FBXL14: variants seen among roughly 807,000 people sequenced by gnomAD.
The protein encoded by FBXL14 is F-box/LRR-repeat protein 14.
FBXL14 carries 11 observed loss-of-function variants against 24.5 expected under a neutral mutation model. The ratio of observed to expected loss-of-function variants is 0.45; its 90% CI spans 0.28 to 0.74. FBXL14 has a LOEUF of 0.74. Among genes scored for constraint, FBXL14 ranks in the 30% least tolerant of loss-of-function variants. The pLI is 0.12. For missense variants in FBXL14, 384 were observed against 545.6 expected (o/e 0.70, Z 2.95); for synonymous variants, 294 against 240.4 (o/e 1.22, Z -2.06).
rs565317669 is a variant in FBXL14, at chr12:1,566,956, C to G, written c.1195-146G>C. 1.4e-3 allele frequency: 858 copies of G among 609,170 alleles called. 16 individuals carry two copies. The South Asian group carries it at 0.015, about 11-fold the overall frequency. The allele number at this position is 609,170 out of a possible 1,614,324, so 37.7% of individuals were successfully genotyped here. A position where few individuals can be genotyped will look rare whatever the true frequency, so the allele number is the denominator to read the frequency against. ...AGGGAAACTCCCACGCCAGCCCACT[C>G]TAGCCATCTCCCGGCTCACTTAAGG... is the stretch of plus-strand genomic sequence containing the variant. On this transcript the variant is annotated intron_variant, in intron 1 of 1. Transcript: ENST00000339235.
In FBXL14 at chr12:1,566,634, C is replaced by A. The variant is rs1048728608; in HGVS notation, c.*114G>T. 5.5e-6 allele frequency: 4 copies of A among 730,312 alleles called. No individual in the cohort carries two copies. Among genetic ancestry groups the A allele is most frequent in the Non-Finnish European group, 7.7e-6 (3 of 392,034 alleles). The allele number at this position is 730,312 out of a possible 1,614,324, so 45.2% of individuals were successfully genotyped here. A position where few individuals can be genotyped will look rare whatever the true frequency, so the allele number is the denominator to read the frequency against. Reference sequence around the variant, plus strand: ...GAAGCCCTGGGCAGCAGCCTCTGCCCGAGCAGTGACAGGCAGGGAAACCTG... The same window carrying A: ...GAAGCCCTGGGCAGCAGCCTCTGCCAGAGCAGTGACAGGCAGGGAAACCTG... On this transcript the variant is annotated 3_prime_UTR_variant, in exon 2 of 2. Coordinates refer to ENST00000339235, the MANE Select transcript of FBXL14 (RefSeq NM_152441.3).
chr12:1,593,906 A>G lies in FBXL14; in HGVS notation c.161T>C (p.Leu54Pro). ...VWRGVEAKLH[L>P]RRANPSLFPS... Reference sequence around the variant, plus strand: ...GAACAGCGACGGGTTGGCCCGGCGCAGGTGCAGCTTGGCCTCCACCCCCCG... The same window carrying G: ...GAACAGCGACGGGTTGGCCCGGCGCGGGTGCAGCTTGGCCTCCACCCCCCG... The change falls in exon 1 of 2, where the codon CTG (leucine) becomes CCG (proline). Residue 54 changes from leucine (L) to proline (P), a missense_variant. Coordinates refer to ENST00000339235, the MANE Select transcript of FBXL14 (RefSeq NM_152441.3). This position sits in a 1 kb window ranked among gnomAD's most constrained non-coding sequence, Gnocchi z 7.4. 1 of 1,597,584 alleles carries G rather than the reference A, an allele frequency of 6.3e-7. No homozygotes were observed. The highest frequency in any genetic ancestry group is 8.5e-7 in the Non-Finnish European group (1 of 1,177,002).
Position 1,566,786 on chromosome 12 carries a change from A to G in FBXL14, c.1219T>C (p.Leu407=). The G allele has an allele frequency of 1.3e-6, 1 of 781,040 alleles. No homozygotes were observed. Among genetic ancestry groups the G allele is most frequent in the South Asian group, 1.3e-5 (1 of 74,604 alleles). The allele number at this position is 781,040 out of a possible 1,614,324, so 48.4% of individuals were successfully genotyped here. A position where few individuals can be genotyped will look rare whatever the true frequency, so the allele number is the denominator to read the frequency against. Residue 407 remains leucine (L), a synonymous_variant, in exon 2 of 2, where the codon TTA becomes CTA. Transcript: ENST00000339235. ...EKEARGDFSP[L]FTVRTRGSSR... Reference sequence around the variant, plus strand: ...CTTCCCCGAGTTCTCACAGTGAATAATGGAGAAAAATCCCCTCGTGCCTCC... The same window carrying G: ...CTTCCCCGAGTTCTCACAGTGAATAGTGGAGAAAAATCCCCTCGTGCCTCC...
chr12:1,583,648 A>T (rs2094471196), intron 1 of FBXL14, among the ~76,000 whole-genome samples: 1 of 152,224 alleles, frequency 6.6e-6, no homozygotes, highest in South Asian at 2.1e-4. Flanking sequence ...CTTCCAACTC[A>T]CAGACAATGC....
intron 1 of FBXL14, among the ~76,000 whole-genome samples, chr12:1,590,009 G>T (rs1326897050): frequency 6.6e-6 from 1 of 152,188 alleles, no homozygotes; most frequent in Non-Finnish European, 1.5e-5. Context: ...AATTGAATCT[G>T]TACAGCCATG....
Position 1,593,856 on chromosome 12 carries a change from G to C in FBXL14, c.211C>G (p.Arg71Gly). ...LFPSLQARGIRRVQILSLRRS... is the reference protein window; with the variant it reads ...LFPSLQARGIGRVQILSLRRS... ...CGGAGGCTCAGGATCTGCACCCGGC[G>C]GATGCCCCGGGCCTGCAGGCTGGGG... Residue 71 changes from arginine (R) to glycine (G), a missense_variant, in exon 1 of 2, where the codon CGC becomes GGC. Physicochemically the swap from Arg to Gly is moderately radical, Grantham distance 125. Coordinates refer to ENST00000339235, the MANE Select transcript of FBXL14 (RefSeq NM_152441.3). The surrounding 1 kb of genome is among the most constrained non-coding windows in gnomAD (Gnocchi z 7.4). 2 of 1,613,306 alleles carry C rather than the reference G, an allele frequency of 1.2e-6. No individual in the cohort carries two copies. The highest frequency in any genetic ancestry group is 2.2e-5 in the South Asian group (2 of 91,066).
rs1393179981 is a variant in FBXL14, at chr12:1,589,221, C to CTACAAAAAAAA, written c.1194+3641_1194+3651dup. 1.4e-4 allele frequency among the ~76,000 whole-genome samples: 11 copies of CTACAAAAAAAA among 80,730 alleles called. No homozygotes were observed. The East Asian group carries it at 2.3e-3, about 17-fold the overall frequency. 53.0% of individuals were successfully genotyped at this position (80,730 alleles called of 152,430 possible). A position where few individuals can be genotyped will look rare whatever the true frequency, so the allele number is the denominator to read the frequency against. On this transcript the variant is annotated intron_variant, in intron 1 of 1. Coordinates refer to ENST00000339235, the MANE Select transcript of FBXL14 (RefSeq NM_152441.3). ...TGGGCAACATGGTGAAACCCTGTTT[C>CTACAAAAAAAA]TACAAAAAAAATACAAAAAAAAAAA...
intron 1 of FBXL14, chr12:1,587,508 A>C (rs575249698): frequency 6.6e-6 from 1 of 152,292 alleles, no homozygotes; most frequent in Admixed American, 6.5e-5. Context: ...TGGTAAAGGC[A>C]ACTCCAGCAG....
At chr12:1,572,378 G>A (rs972494133) in intron 1 of FBXL14, among the ~76,000 whole-genome samples, 1 of 152,222 alleles carries the variant, frequency 6.6e-6, no homozygotes, top group African/African-American at 2.4e-5. Flanking sequence ...GTTTCCTACT[G>A]TACGTTTGCA....
intron 1 of FBXL14, among the ~76,000 whole-genome samples, chr12:1,570,467 G>A (rs991432106): frequency 3.3e-5 from 5 of 152,168 alleles, no homozygotes; most frequent in Non-Finnish European, 7.3e-5. Flanking sequence ...GTCAGAAGGT[G>A]GGGTCTCGTG....
chr12:1,573,970 A>G (rs1005654988), intron 1 of FBXL14, among the ~76,000 whole-genome samples: 8 of 151,286 alleles, frequency 5.3e-5, no homozygotes, highest in Non-Finnish European at 1.0e-4. Flanking sequence ...GCACCATTGC[A>G]CTCCAGCCTG....
At position 1,593,383 on chromosome 12, in the gene FBXL14, C is replaced by G. The variant is rs35510932; in HGVS notation, c.684G>C (p.Thr228=). Residue 228 remains threonine, a synonymous_variant, in exon 1 of 2, where the codon ACG becomes ACC. Transcript: ENST00000339235. This position sits in a 1 kb window ranked among gnomAD's most constrained non-coding sequence, Gnocchi z 7.4. ...AGCTGAGGTTGAGGAGCCTCAGGCC[C>G]GTCAGCCCTCGGGAGATGTGCTTTA... ...LSLKHISRGL[T]GLRLLNLSFC... is the part of the protein sequence containing the mutation. 16,214 of 1,614,002 alleles carry G rather than the reference C, an allele frequency of 0.01. 867 individuals carry two copies. The African/African-American group carries it at 0.14, about 14-fold the overall frequency.
intron 1 of FBXL14, among the ~76,000 whole-genome samples, chr12:1,585,177 T>G (rs1465423458): frequency 1.3e-5 from 2 of 152,152 alleles, no homozygotes; most frequent in African/African-American, 4.8e-5. Flanking sequence ...GGCAGGCGGA[T>G]CACAAGGTCA....
chr12:1,591,065 T>A (rs560959057), intron 1 of FBXL14, among the ~76,000 whole-genome samples: 3 of 152,350 alleles, frequency 2.0e-5, no homozygotes, highest in East Asian at 1.9e-4. Flanking sequence ...TCTGGTTTTT[T>A]AAAAAGTTTC....
intron 1 of FBXL14, among the ~76,000 whole-genome samples, chr12:1,591,454 T>C (rs894049609): frequency 1.3e-5 from 2 of 152,122 alleles, no homozygotes; most frequent in Non-Finnish European, 2.9e-5. Context: ...AGGATCTTTG[T>C]TATTATTTAT....
intron 1 of FBXL14, among the ~76,000 whole-genome samples, chr12:1,586,023 C>A (rs1452071564): frequency 1.3e-5 from 2 of 152,192 alleles, no homozygotes; most frequent in Non-Finnish European, 2.9e-5. Context: ...GAGCAACAGG[C>A]AACAGATTTG....
intron 1 of FBXL14, among the ~76,000 whole-genome samples, chr12:1,575,960 T>C (rs2094455087): frequency 6.6e-6 from 1 of 152,178 alleles, no homozygotes. Flanking sequence ...GAAGCCTGCC[T>C]GGATGTGTGT....
intron 1 of FBXL14, among the ~76,000 whole-genome samples, chr12:1,570,077 C>T (rs1341054310): frequency 1.3e-5 from 2 of 152,232 alleles, no homozygotes; most frequent in Non-Finnish European, 2.9e-5. Flanking sequence ...GGTCGAAACT[C>T]CGCCCAGCTT....
chr12:1,589,285 G>A (rs1338360281), intron 1 of FBXL14, among the ~76,000 whole-genome samples: 1 of 149,558 alleles, frequency 6.7e-6, no homozygotes, highest in East Asian at 2.0e-4. Flanking sequence ...TGTAGTCTCA[G>A]CTACTCAGGA....
Sources: allele counts gnomAD v4.1 joint callset (sites outside exome capture counted in the v4.1 genomes callset), GRCh38; gene constraint gnomAD v4.1.1; non-coding constraint Gnocchi (gnomAD v3.1); transcripts MANE v1.5; gene names NCBI Gene and HGNC (gene_info 2026-07-23, HGNC 2026-07-21).